Variants in COL22A1 observed in about 807,000 individuals in gnomAD.
The protein encoded by COL22A1 is collagen alpha-1(XXII) chain.
In COL22A1, 221 loss-of-function variants were observed where a neutral mutation model predicts 248.9. The ratio of observed to expected loss-of-function variants is 0.89; its 90% confidence interval spans 0.80 to 0.99. COL22A1 has a LOEUF of 0.99. Ranked by LOEUF, COL22A1 falls within the 50% of genes least tolerant of loss-of-function variation. The pLI, the probability that COL22A1 is intolerant of heterozygous loss-of-function variation, is 0.00. For synonymous variants in COL22A1, 891 were observed against 793.4 expected (o/e 1.12, Z -2.07); for missense variants, 2,240 against 2,179.0 (o/e 1.03, Z -0.56).
intron 39 of COL22A1, among the ~76,000 whole-genome samples, chr8:138,683,080 C>A (rs1335764715): frequency 6.6e-6 from 1 of 152,200 alleles, no homozygotes; most frequent in Non-Finnish European, 1.5e-5. Flanking sequence ...TAGCGAGCCC[C>A]CTCTGAGCCC....
chr8:138,752,566 G>C (rs1040613589), intron 21 of COL22A1, among the ~76,000 whole-genome samples: 1 of 152,182 alleles, frequency 6.6e-6, no homozygotes, highest in Non-Finnish European at 1.5e-5. Context: ...CTAAAGGCAT[G>C]AGATTTTTAA....
intron 12 of COL22A1, among the ~76,000 whole-genome samples, chr8:138,791,251 G>A (rs575302102): frequency 5.3e-5 from 8 of 152,274 alleles, no homozygotes; most frequent in South Asian, 2.1e-4. Flanking sequence ...GATGCTGGGC[G>A]TGCAAGGAGG....
At chr8:138,590,409 T>C (rs1816942688) in intron 64 of COL22A1, among the ~76,000 whole-genome samples, 1 of 152,214 alleles carries the variant, frequency 6.6e-6, no homozygotes, top group Non-Finnish European at 1.5e-5. Context: ...GGATAATTAT[T>C]GGTACAGTTA....
At chr8:138,624,419 C>T (rs946132826) in intron 51 of COL22A1, among the ~76,000 whole-genome samples, 1 of 151,558 alleles carries the variant, frequency 6.6e-6, no homozygotes, top group African/African-American at 2.4e-5. Flanking sequence ...AGCCTAAGGA[C>T]AACAGTGAGC....
intron 39 of COL22A1, among the ~76,000 whole-genome samples, chr8:138,681,561 G>C (rs367713146): frequency 2.0e-5 from 3 of 152,134 alleles, no homozygotes; most frequent in African/African-American, 7.2e-5. Flanking sequence ...ATGCCCTCTA[G>C]GCCCTGAGGG....
intron 12 of COL22A1, among the ~76,000 whole-genome samples, chr8:138,785,115 A>G (rs1202764617): frequency 1.3e-5 from 2 of 152,082 alleles, no homozygotes; most frequent in Non-Finnish European, 2.9e-5. Flanking sequence ...ACACTTTAGC[A>G]TCCAGCCTTA....
chr8:138,616,916 G>C lies in COL22A1; in HGVS notation c.3868C>G (p.Arg1290Gly). 3 of 1,614,104 alleles carry C rather than the reference G, an allele frequency of 1.9e-6. No homozygotes were observed. The highest frequency in any genetic ancestry group is 2.5e-6 in the Non-Finnish European group (3 of 1,180,022). ...TCCAAAGTGAGGCGCCCACTTACCC[G>C]GGGACCGGGTGCACCAGAATCGCCT... is the stretch of plus-strand genomic sequence containing the variant. ...HTGDSGAPGP[R>G]GESGAMGLPG... The change falls in exon 54 of 65, where the codon CGG becomes GGG. Residue 1290 changes from arginine to glycine, a missense_variant and splice_region_variant. By Grantham distance (125) the Arg-to-Gly change is moderately radical (BLOSUM62 -2). Coordinates refer to ENST00000303045, the MANE Select transcript of COL22A1 (RefSeq NM_152888.3).
At chr8:138,713,225 G>A (rs535231298) in intron 30 of COL22A1, among the ~76,000 whole-genome samples, 34 of 152,260 alleles carry the variant, frequency 2.2e-4, no homozygotes, top group Non-Finnish European at 5.9e-5. Context: ...GGTGTGATGA[G>A]GTTTTGTCGT....
chr8:138,660,384 C>A (rs1176616257), intron 44 of COL22A1, 52 bp downstream of exon 44: 4 of 1,532,638 alleles, frequency 2.6e-6, no homozygotes, highest in Non-Finnish European at 9.0e-7. Context: ...TTTTCTCTTG[C>A]TTACGCCCTG....
intron 49 of COL22A1, among the ~76,000 whole-genome samples, chr8:138,631,908 G>T (rs548940470): frequency 1.3e-5 from 2 of 151,992 alleles, no homozygotes; most frequent in South Asian, 4.2e-4. Flanking sequence ...TTCCTCATTG[G>T]AACACTAAAT....
intron 15 of COL22A1, among the ~76,000 whole-genome samples, chr8:138,776,685 A>G (rs1270071679): frequency 6.6e-6 from 1 of 151,794 alleles, no homozygotes; most frequent in East Asian, 1.9e-4. Flanking sequence ...CTTTGTTGAT[A>G]ATACTCAGCC....
intron 27 of COL22A1, among the ~76,000 whole-genome samples, chr8:138,717,082 T>C (rs1321599518): frequency 7.2e-5 from 11 of 152,212 alleles, no homozygotes; most frequent in African/African-American, 2.7e-4. Context: ...TCATATAGTC[T>C]TTTGCTTTCC....
Position 138,760,197 on chromosome 8 carries a change from T to C in COL22A1, c.1902+46A>G, listed in dbSNP as rs758255668. On this transcript the variant is annotated intron_variant, in intron 18 of 64. Transcript: ENST00000303045. ...TGCCAAGGCGGGCAGTCCCCGCACC[T>C]GCCTGCCCAGGGCACAGAGCCCTTG... The C allele has an allele frequency of 5.3e-6, 8 of 1,505,262 alleles. No individual in the cohort carries two copies. The East Asian group carries it at 1.9e-4, about 35-fold the overall frequency. 93.2% of individuals were successfully genotyped at this position (1,505,262 alleles called of 1,614,324 possible).
chr8:138,663,221 C>G (rs991454158), intron 42 of COL22A1, among the ~76,000 whole-genome samples: 4 of 152,160 alleles, frequency 2.6e-5, no homozygotes. Context: ...GGTTGCTGCT[C>G]CTAAGAATGA....
intron 3 of COL22A1, among the ~76,000 whole-genome samples, chr8:138,847,048 CAGCCTGGGTAGGG>C (rs1310469885): frequency 1.3e-5 from 2 of 152,140 alleles, no homozygotes; most frequent in African/African-American, 4.8e-5. Context: ...CCATTTATCC[CAGCCTGGGTAGGG>C]AGCCCTTCGT....
chr8:138,704,242 T>G (rs1300072350), intron 30 of COL22A1, among the ~76,000 whole-genome samples: 1 of 152,220 alleles, frequency 6.6e-6, no homozygotes, highest in African/African-American at 2.4e-5. Context: ...TCTGAAGACT[T>G]AAATGTCCCT....
chr8:138,748,941 G>T (rs1177383606), intron 22 of COL22A1, among the ~76,000 whole-genome samples: 1 of 152,172 alleles, frequency 6.6e-6, no homozygotes, highest in Non-Finnish European at 1.5e-5. Flanking sequence ...GGGACCTGGT[G>T]GGAGATCATT....
intron 64 of COL22A1, among the ~76,000 whole-genome samples, chr8:138,590,683 C>T (rs1468567418): frequency 6.6e-6 from 1 of 152,082 alleles, no homozygotes; most frequent in African/African-American, 2.4e-5. Context: ...CAGGCAAACA[C>T]AGAAATTAAA....
At chr8:138,766,814 G>A (rs893354862) in intron 16 of COL22A1, among the ~76,000 whole-genome samples, 1 of 152,166 alleles carries the variant, frequency 6.6e-6, no homozygotes, top group African/African-American at 2.4e-5. Flanking sequence ...CCATAGTGTG[G>A]GCCCATCCTG....
Sources: allele counts gnomAD v4.1 joint callset (sites outside exome capture counted in the v4.1 genomes callset), GRCh38; gene constraint gnomAD v4.1.1; transcripts MANE v1.5; gene names NCBI Gene and HGNC (gene_info 2026-07-23, HGNC 2026-07-21).